Variants in GINS1 observed in about 807,000 individuals in gnomAD.
GINS1 encodes DNA replication complex GINS protein PSF1.
In GINS1, 26 loss-of-function variants were observed where a neutral mutation model predicts 34.9. The observed-to-expected ratio is 0.74, with a 90% CI of 0.55 to 1.03. The LOEUF (loss-of-function observed/expected upper bound fraction) is 1.03, where lower values mean the gene tolerates loss of function less well. Among genes scored for constraint, GINS1 ranks in the 50% least tolerant of loss-of-function variants. GINS1 has a pLI of 0.00. For missense variants in GINS1, 235 were observed against 237.9 expected (o/e 0.99, Z 0.08); for synonymous variants, 97 against 84.4 (o/e 1.15, Z -0.82).
rs754392371 is a variant in GINS1, at chr20:25,445,981, T to C, written c.581T>C (p.Ile194Thr). The change falls in exon 7 of 7, where the codon ATC becomes ACC. Residue 194 changes from isoleucine to threonine, a missense_variant. By Grantham distance (89) the Ile-to-Thr change is moderately conservative. Transcript: ENST00000262460. ...QLIRQGVLEHILS is the reference protein window; with the variant it reads ...QLIRQGVLEHTLS ...ATCAGACAAGGAGTCCTGGAGCACATCCTGTCATGACCATGCGCCGAGGCA... is the reference window on the plus strand; with the variant it reads ...ATCAGACAAGGAGTCCTGGAGCACACCCTGTCATGACCATGCGCCGAGGCA... 12 of 1,608,134 alleles carry C rather than the reference T, an allele frequency of 7.5e-6. No individual in the cohort carries two copies. The highest frequency in any genetic ancestry group is 1.0e-5 in the Non-Finnish European group (12 of 1,174,742).
intron 5 of GINS1, among the ~76,000 whole-genome samples, chr20:25,431,485 A>T (rs2090426342): frequency 6.7e-6 from 1 of 150,360 alleles, no homozygotes; most frequent in Admixed American, 6.6e-5. Flanking sequence ...TAAGATGTAA[A>T]GTTAGGTGGT....
chr20:25,434,157 G>A (rs1313978651), intron 5 of GINS1, among the ~76,000 whole-genome samples: 1 of 151,796 alleles, frequency 6.6e-6, no homozygotes, highest in Admixed American at 6.6e-5. Flanking sequence ...GGTGGCACGA[G>A]CTTGTAGTTT....
Position 25,413,859 on chromosome 20 carries a change from G to A in GINS1, c.140+5G>A. Reference sequence around the variant, plus strand: ...TGAACAAAACCAGTCTGATGTGTAAGTTTCATAAGATGATATTCTAAAACA... The same window carrying A: ...TGAACAAAACCAGTCTGATGTGTAAATTTCATAAGATGATATTCTAAAACA... On this transcript the variant is annotated splice_donor_5th_base_variant and intron_variant, in intron 2 of 6. Coordinates refer to ENST00000262460, the MANE Select transcript of GINS1 (RefSeq NM_021067.5). The A allele has an allele frequency of 6.7e-7, 1 of 1,489,300 alleles. No individual in the cohort carries two copies. The highest frequency in any genetic ancestry group is 9.4e-7 in the Non-Finnish European group (1 of 1,065,982). 92.3% of individuals were successfully genotyped at this position (1,489,300 alleles called of 1,614,324 possible). A position where few individuals can be genotyped will look rare whatever the true frequency, so the allele number is the denominator to read the frequency against.
intron 3 of GINS1, 142 bp from the exon 4 acceptor site, chr20:25,417,963 A>G: frequency 3.0e-6 from 2 of 656,148 alleles, no homozygotes; most frequent in Middle Eastern, 2.6e-4. Context: ...CTTCAGGTCG[A>G]CTCTCAGACT....
intron 6 of GINS1, among the ~76,000 whole-genome samples, chr20:25,442,330 ATCTATCTATCTGTCTG>A (rs2090486175): frequency 7.6e-6 from 1 of 131,368 alleles, no homozygotes; most frequent in African/African-American, 2.8e-5. Flanking sequence ...TTATCCATCT[ATCTATCTATCTGTCTG>A]TCTGTCTGTC....
chr20:25,445,415 C>T (rs1315333990), intron 6 of GINS1, among the ~76,000 whole-genome samples: 3 of 151,154 alleles, frequency 2.0e-5, no homozygotes, highest in African/African-American at 2.4e-5. Context: ...GGCACGGTCT[C>T]GGCTCACTGC....
At chr20:25,445,395 GGA>G (rs1390075837) in intron 6 of GINS1, among the ~76,000 whole-genome samples, 1 of 150,134 alleles carries the variant, frequency 6.7e-6, no homozygotes, top group East Asian at 2.0e-4. Context: ...TGCCCAAGCT[GGA>G]GTGCAGTGGC....
chr20:25,439,751 C>G (rs183339228), intron 5 of GINS1, among the ~76,000 whole-genome samples: 1,602 of 152,040 alleles, frequency 0.011, 11 homozygotes, highest in Non-Finnish European at 0.015. Context: ...AATCCTAGCA[C>G]TTTGGGAAGC....
intron 5 of GINS1, among the ~76,000 whole-genome samples, chr20:25,430,150 A>C (rs1335700335): frequency 1.3e-5 from 2 of 152,186 alleles, no homozygotes; most frequent in Non-Finnish European, 2.9e-5. Flanking sequence ...TGACCTCATC[A>C]TCCACCCGCC....
chr20:25,413,675 A>G, intron 1 of GINS1, 115 bp from the exon 2 acceptor site: 1 of 700,052 alleles, frequency 1.4e-6, no homozygotes, highest in Non-Finnish European at 2.6e-6. Context: ...GTGTGAAAGG[A>G]CTATTGCTTT....
rs531852926 is a variant in GINS1, at chr20:25,419,043, A to C, written c.330+848A>C. Among the ~76,000 whole-genome samples the C allele has an allele frequency of 7.2e-5, 11 of 152,276 alleles. No individual in the cohort carries two copies. In the South Asian group the frequency reaches 2.3e-3, roughly 32 times the overall value. On this transcript the variant is annotated intron_variant, in intron 4 of 6. Transcript: ENST00000262460. ...CAGGGCACATCATAAATAACAAGAC[A>C]CTCCTATTACTTGAGAAAGTACAAG... is the stretch of plus-strand genomic sequence containing the variant.
chr20:25,414,376 A>G (rs1193802709), intron 2 of GINS1, among the ~76,000 whole-genome samples: 2 of 152,110 alleles, frequency 1.3e-5, no homozygotes, highest in Non-Finnish European at 2.9e-5. Flanking sequence ...AGTTGAAAGG[A>G]ATTAGAGTGG....
Position 25,448,231 on chromosome 20 carries a change from T to C in GINS1, c.*2240T>C, listed in dbSNP as rs2090523613. 1.3e-5 allele frequency: 2 copies of C among 152,210 alleles called. No homozygotes were observed. Among genetic ancestry groups the C allele is most frequent in the African/African-American group, 4.8e-5 (2 of 41,454 alleles). The allele number at this position is 152,210 out of a possible 1,614,324, so 9.4% of individuals were successfully genotyped here. A position where few individuals can be genotyped will look rare whatever the true frequency, so the allele number is the denominator to read the frequency against. ...ATTGCATTGAATTTATATAAAACTGTTGGGAGAATTGACATCTTAATAATA... is the reference window on the plus strand; with the variant it reads ...ATTGCATTGAATTTATATAAAACTGCTGGGAGAATTGACATCTTAATAATA... On this transcript the variant is annotated 3_prime_UTR_variant, in exon 7 of 7. Transcript: ENST00000262460.
intron 2 of GINS1, among the ~76,000 whole-genome samples, chr20:25,414,580 G>A (rs1044291980): frequency 6.6e-6 from 1 of 152,106 alleles, no homozygotes; most frequent in African/African-American, 2.4e-5. Context: ...CACACCTGGA[G>A]TCTTAGCTAC....
At chr20:25,438,395 G>A (rs2146220067) in intron 5 of GINS1, among the ~76,000 whole-genome samples, 1 of 151,998 alleles carries the variant, frequency 6.6e-6, no homozygotes, top group East Asian at 1.9e-4. Flanking sequence ...ATTTGAAGGA[G>A]CTCTTGCTAA....
chr20:25,433,644 C>G (rs2090439010), intron 5 of GINS1, among the ~76,000 whole-genome samples: 1 of 152,144 alleles, frequency 6.6e-6, no homozygotes, highest in Admixed American at 6.5e-5. Context: ...AGAGGACCAA[C>G]TATATTCTAT....
chr20:25,410,894 A>G (rs1004569759), intron 1 of GINS1, among the ~76,000 whole-genome samples: 1 of 152,090 alleles, frequency 6.6e-6, no homozygotes. Context: ...GGAATCACTC[A>G]TGGTTAAGCG....
chr20:25,440,077 A>G (rs2090474339), intron 5 of GINS1, among the ~76,000 whole-genome samples: 1 of 151,992 alleles, frequency 6.6e-6, no homozygotes, highest in Admixed American at 6.5e-5. Flanking sequence ...TCTGTCACCC[A>G]GTCTGGAGTG....
intron 5 of GINS1, among the ~76,000 whole-genome samples, chr20:25,439,605 G>T (rs2146221514): frequency 6.6e-6 from 1 of 152,208 alleles, no homozygotes; most frequent in East Asian, 1.9e-4. Flanking sequence ...GTAATGTGTG[G>T]CTTTGTTGGA....
Sources: gnomAD v4.1 joint callset for allele counts (sites outside exome capture counted in the v4.1 genomes callset) on GRCh38, gnomAD v4.1.1 for gene constraint, MANE v1.5 for transcripts, NCBI Gene and HGNC (gene_info 2026-07-23, HGNC 2026-07-21) for gene names.